PTPRK: variants seen among roughly 807,000 people sequenced by gnomAD.
PTPRK encodes receptor-type tyrosine-protein phosphatase kappa.
Under a neutral mutation model 178.0 loss-of-function variants are expected in PTPRK, and 75 were observed. The ratio of observed to expected loss-of-function variants is 0.42; its 90% CI spans 0.35 to 0.51. The LOEUF (loss-of-function observed/expected upper bound fraction) is 0.51. PTPRK is among the 20% of genes least tolerant of loss of function. The probability of loss-of-function intolerance (pLI) is 0.02; values close to 1 mark genes in which losing one functional copy is unlikely to be tolerated. For synonymous variants in PTPRK, 637 were observed against 620.6 expected (o/e 1.03, Z -0.39); for missense variants, 1,441 against 1,797.8 (o/e 0.80, Z 3.59).
Position 128,096,587 on chromosome 6 carries a change from GA to G in PTPRK, c.1163-6596del, listed in dbSNP as rs796366737. The stretch of plus-strand genomic sequence containing the variant: ...ACTTATTATGCAGCTGTCAGTCAGA[GA>G]AAAATAGAAGATGTCCCAAAGCTCG... On this transcript the variant is annotated intron_variant, in intron 7 of 29. Transcript: ENST00000368226. Among the ~76,000 whole-genome samples, 19 of 152,176 alleles carry G rather than the reference GA, an allele frequency of 1.2e-4. 1 individual carries two copies. The highest frequency in any genetic ancestry group is 4.3e-4 in the African/African-American group (18 of 41,534).
intron 15 of PTPRK, among the ~76,000 whole-genome samples, chr6:128,003,508 G>C (rs1355434757): frequency 6.6e-6 from 1 of 151,680 alleles, no homozygotes; most frequent in African/African-American, 2.4e-5. Flanking sequence ...AAAAACCCAT[G>C]TATTTTAGAT....
chr6:128,376,466 T>G (rs935796676), intron 2 of PTPRK, among the ~76,000 whole-genome samples: 3 of 152,152 alleles, frequency 2.0e-5, no homozygotes, highest in Non-Finnish European at 4.4e-5. Context: ...AGGGAAGCCT[T>G]GGGTCCGACT....
chr6:128,472,260 C>T (rs1003898488), intron 1 of PTPRK, among the ~76,000 whole-genome samples: 7 of 152,024 alleles, frequency 4.6e-5, no homozygotes, highest in African/African-American at 1.4e-4. Context: ...CTCAGAAGCC[C>T]GGTTGTGTTG....
At chr6:128,408,720 C>T (rs1841977729) in intron 1 of PTPRK, among the ~76,000 whole-genome samples, 1 of 152,146 alleles carries the variant, frequency 6.6e-6, no homozygotes. Context: ...ACCAATACTG[C>T]TAGAAGCAAA....
At chr6:128,493,529 T>C (rs1472083106) in intron 1 of PTPRK, among the ~76,000 whole-genome samples, 31 of 144,882 alleles carry the variant, frequency 2.1e-4, no homozygotes, top group Non-Finnish European at 4.3e-4. Flanking sequence ...GCCACTGCGC[T>C]CCAGCTGGGT....
rs1778773265 is a variant in PTPRK, at chr6:128,009,170, T to A, written c.2293A>T (p.Ile765Phe). ...AGISAGILVF[I>F]LLLLVVILIV... ...AATATGACAACTAGGAGAAGGAGGA[T>A]GAACACCAAAATTCCAGCACTAATT... is the stretch of plus-strand genomic sequence containing the variant. The change falls in exon 14 of 30, where the codon ATC (isoleucine) becomes TTC (phenylalanine). Residue 765 changes from isoleucine (I) to phenylalanine (F), a missense_variant. By Grantham distance (21) the Ile-to-Phe change is conservative. This residue lies in a region of PTPRK where 945 missense variants were observed against 1,080.6 expected (regional missense o/e 0.87). Coordinates refer to ENST00000368226, the MANE Select transcript of PTPRK (RefSeq NM_002844.4). The A allele has an allele frequency of 1.2e-6, 2 of 1,608,678 alleles. No individual in the cohort carries two copies. Among genetic ancestry groups the A allele is most frequent in the African/African-American group, 2.7e-5 (2 of 74,336 alleles).
At chr6:128,368,895 G>C (rs1835876344) in intron 2 of PTPRK, among the ~76,000 whole-genome samples, 1 of 151,142 alleles carries the variant, frequency 6.6e-6, no homozygotes, top group African/African-American at 2.4e-5. Flanking sequence ...GGCTATAGAA[G>C]AATAAAACTC....
intron 15 of PTPRK, among the ~76,000 whole-genome samples, chr6:128,001,525 T>C (rs1777832726): frequency 6.6e-6 from 1 of 152,032 alleles, no homozygotes; most frequent in Admixed American, 6.6e-5. Context: ...TTTATATAAC[T>C]AGACTTTATG....
intron 7 of PTPRK, among the ~76,000 whole-genome samples, chr6:128,097,392 T>C (rs1229536431): frequency 4.6e-5 from 7 of 152,166 alleles, no homozygotes; most frequent in Non-Finnish European, 8.8e-5. Context: ...CTGAAGTTTA[T>C]CAGATAATTT....
chr6:128,110,455 A>G (rs1246945679), intron 7 of PTPRK, among the ~76,000 whole-genome samples: 1 of 152,084 alleles, frequency 6.6e-6, no homozygotes, highest in Non-Finnish European at 1.5e-5. Flanking sequence ...TGTGCAGAGG[A>G]TATGCTCTTG....
chr6:128,078,773 C>T, intron 11 of PTPRK, 40 bp downstream of exon 11: 2 of 1,449,200 alleles, frequency 1.4e-6, no homozygotes, highest in Non-Finnish European at 1.9e-6. Flanking sequence ...ATGTACATAC[C>T]TGTGGATAAG....
intron 1 of PTPRK, among the ~76,000 whole-genome samples, chr6:128,458,608 C>T (rs1848668575): frequency 6.6e-6 from 1 of 152,248 alleles, no homozygotes; most frequent in African/African-American, 2.4e-5. Flanking sequence ...CTTGCACACA[C>T]ACACAAAATG....
chr6:128,050,268 A>T (rs1379544139), intron 13 of PTPRK, among the ~76,000 whole-genome samples: 3 of 152,008 alleles, frequency 2.0e-5, no homozygotes, highest in Admixed American at 6.6e-5. Context: ...TGTACAAGTG[A>T]CTCTCTAGTG....
At chr6:128,104,143 A>G (rs1356347785) in intron 7 of PTPRK, among the ~76,000 whole-genome samples, 2 of 152,110 alleles carry the variant, frequency 1.3e-5, no homozygotes, top group Non-Finnish European at 2.9e-5. Context: ...TTTCCTTGAT[A>G]TCCATTTACT....
intron 14 of PTPRK, among the ~76,000 whole-genome samples, chr6:128,008,719 T>C (rs958406525): frequency 2.0e-5 from 3 of 151,148 alleles, no homozygotes; most frequent in African/African-American, 4.8e-5. Context: ...TCTTCTCATA[T>C]CTTATTTGTA....
At chr6:128,347,816 A>G (rs940772509) in intron 2 of PTPRK, among the ~76,000 whole-genome samples, 1 of 152,186 alleles carries the variant, frequency 6.6e-6, no homozygotes, top group African/African-American at 2.4e-5. Context: ...CCCACATTTT[A>G]TTTATTTATA....
At chr6:128,364,411 T>A (rs1835197004) in intron 2 of PTPRK, among the ~76,000 whole-genome samples, 2 of 152,124 alleles carry the variant, frequency 1.3e-5, no homozygotes, top group South Asian at 4.1e-4. Context: ...AAGTTTGCAT[T>A]ACATTTACTG....
At chr6:128,231,194 G>A (rs1406776990) in intron 5 of PTPRK, among the ~76,000 whole-genome samples, 2 of 152,122 alleles carry the variant, frequency 1.3e-5, no homozygotes, top group Non-Finnish European at 2.9e-5. Context: ...AGACCTATAA[G>A]CAGAATTCTT....
intron 7 of PTPRK, among the ~76,000 whole-genome samples, chr6:128,130,838 T>TAAA (rs528534204): frequency 5.9e-4 from 90 of 151,596 alleles, no homozygotes; most frequent in African/African-American, 2.1e-3. Flanking sequence ...AGTACCGATA[T>TAAA]AAAAAAAAAT....
Sources: allele counts gnomAD v4.1 joint callset (sites outside exome capture counted in the v4.1 genomes callset), GRCh38; gene constraint gnomAD v4.1.1; regional missense constraint gnomAD v4.1.1; transcripts MANE v1.5; gene names NCBI Gene and HGNC (gene_info 2026-07-23, HGNC 2026-07-21).